SHROOM3: variants seen among roughly 807,000 people sequenced by gnomAD.
SHROOM3 encodes shroom family member 3.
A neutral mutation model predicts 138.6 loss-of-function variants in SHROOM3; 47 were observed. The observed-to-expected ratio is 0.34, with a 90% confidence interval of 0.27 to 0.43. The LOEUF is 0.43. Ranked by LOEUF, SHROOM3 falls within the 20% of genes least tolerant of loss-of-function variation. SHROOM3 has a pLI of 1.00. For synonymous variants in SHROOM3, 1,062 were observed against 1,063.3 expected (o/e 1.00, Z 0.02); for missense variants, 2,491 against 2,596.5 (o/e 0.96, Z 0.88).
intron 3 of SHROOM3, among the ~76,000 whole-genome samples, chr4:76,727,740 T>C (rs1018508076): frequency 4.6e-5 from 7 of 151,650 alleles, no homozygotes; most frequent in Non-Finnish European, 7.4e-5. Context: ...ATACAAAAAA[T>C]TAGCCAGGCA....
chr4:76,666,483 G>T (rs1718697871), intron 2 of SHROOM3, among the ~76,000 whole-genome samples: 1 of 152,060 alleles, frequency 6.6e-6, no homozygotes, highest in Admixed American at 6.6e-5. Flanking sequence ...TGTTGCCTTA[G>T]CTAATCTAAT....
intron 1 of SHROOM3, among the ~76,000 whole-genome samples, chr4:76,473,987 T>C (rs1400287868): frequency 6.6e-6 from 1 of 151,620 alleles, no homozygotes; most frequent in African/African-American, 2.4e-5. Flanking sequence ...AAAACATAAG[T>C]CCACACAAAA....
intron 2 of SHROOM3, among the ~76,000 whole-genome samples, chr4:76,683,707 G>T (rs1020065354): frequency 6.6e-6 from 1 of 152,056 alleles, no homozygotes; most frequent in African/African-American, 2.4e-5. Context: ...AATAGAAAAG[G>T]GTAGGCAGAA....
chr4:76,567,466 C>T (rs972870000), intron 2 of SHROOM3, among the ~76,000 whole-genome samples: 4 of 152,016 alleles, frequency 2.6e-5, no homozygotes, highest in South Asian at 2.1e-4. Flanking sequence ...CTGGCTAACA[C>T]GATAAAACCC....
Position 76,740,876 on chromosome 4 carries a change from G to A in SHROOM3, c.2703G>A (p.Glu901=), listed in dbSNP as rs757066518. The change falls in exon 5 of 11, where the codon GAG becomes GAA. Residue 901 remains glutamate, a synonymous_variant. Coordinates refer to ENST00000296043, the MANE Select transcript of SHROOM3 (RefSeq NM_020859.4). The surrounding 1 kb of genome is among the most constrained non-coding windows in gnomAD (Gnocchi z 4.0). ...TFQLSSEPER[E]PEWRDRPGSP... ...AGCTCTCCAGCGAGCCAGAGAGGGA[G>A]CCCGAGTGGCGGGACAGGCCCGGCT... 6 of 1,547,570 alleles carry A rather than the reference G, an allele frequency of 3.9e-6. No homozygotes were observed. In the African/African-American group the frequency reaches 6.9e-5, roughly 18 times the overall value.
intron 3 of SHROOM3, among the ~76,000 whole-genome samples, chr4:76,728,396 GCTCT>G (rs1201256704): frequency 3.3e-5 from 5 of 151,988 alleles, no homozygotes; most frequent in South Asian, 2.1e-4. Flanking sequence ...CCCTGCAAAT[GCTCT>G]CTCTCTCTTT....
chr4:76,685,275 C>T (rs1719304136), intron 2 of SHROOM3, among the ~76,000 whole-genome samples: 1 of 151,902 alleles, frequency 6.6e-6, no homozygotes, highest in Non-Finnish European at 1.5e-5. Flanking sequence ...CAGGGGTGTC[C>T]AATCTTTTGG....
At chr4:76,585,431 C>A (rs537045058) in intron 2 of SHROOM3, among the ~76,000 whole-genome samples, 1 of 152,254 alleles carries the variant, frequency 6.6e-6, no homozygotes, top group East Asian at 1.9e-4. Context: ...TTCTCTCTCT[C>A]TTTGTGTCTA....
chr4:76,633,708 T>C (rs1735409838), intron 2 of SHROOM3, among the ~76,000 whole-genome samples: 1 of 151,258 alleles, frequency 6.6e-6, no homozygotes, highest in South Asian at 2.1e-4. Flanking sequence ...CACCTTGTAC[T>C]TGAGTTGGGT....
intron 5 of SHROOM3, among the ~76,000 whole-genome samples, chr4:76,745,705 G>C (rs1020458663): frequency 1.3e-5 from 2 of 152,224 alleles, no homozygotes; most frequent in African/African-American, 4.8e-5. Context: ...TCTTGGCTGG[G>C]TGCAGTGGTG....
At chr4:76,499,836 T>C (rs568170739) in intron 1 of SHROOM3, among the ~76,000 whole-genome samples, 1 of 152,302 alleles carries the variant, frequency 6.6e-6, no homozygotes, top group South Asian at 2.1e-4. Context: ...TAATTACAAA[T>C]ACAAAGTATA....
chr4:76,778,719 C>T (rs1282289704), intron 10 of SHROOM3, 90 bp from the exon 11 acceptor site: 1 of 1,564,832 alleles, frequency 6.4e-7, no homozygotes, highest in Non-Finnish European at 8.8e-7. Flanking sequence ...TTAGATATTT[C>T]CCAGTCCTGT....
chr4:76,465,551 C>G (rs1002033908), intron 1 of SHROOM3, among the ~76,000 whole-genome samples: 2 of 152,216 alleles, frequency 1.3e-5, no homozygotes, highest in African/African-American at 4.8e-5. Context: ...AGTCCTCCTG[C>G]CTTCCCTCCT....
intron 1 of SHROOM3, among the ~76,000 whole-genome samples, chr4:76,550,008 T>C (rs1321483275): frequency 6.6e-6 from 1 of 152,178 alleles, no homozygotes; most frequent in Non-Finnish European, 1.5e-5. Flanking sequence ...TGCTGGAAAT[T>C]GGCTGACCTC....
chr4:76,737,263 C>CTT (rs973842428), intron 4 of SHROOM3, among the ~76,000 whole-genome samples: 1 of 130,898 alleles, frequency 7.6e-6, no homozygotes, highest in Non-Finnish European at 1.7e-5. Flanking sequence ...CTTGACAGCT[C>CTT]TTTTTTTTTT....
At chr4:76,689,498 G>A in intron 2 of SHROOM3, 1 of 981,384 alleles carries the variant, frequency 1.0e-6, no homozygotes, top group Non-Finnish European at 1.2e-6. Flanking sequence ...CTCCAGCCGC[G>A]CTGCCCCGGC....
intron 2 of SHROOM3, among the ~76,000 whole-genome samples, chr4:76,638,293 A>G (rs1016690545): frequency 6.6e-6 from 1 of 152,198 alleles, no homozygotes; most frequent in Admixed American, 6.5e-5. Flanking sequence ...AATCAAAAAT[A>G]TGTTTATATA....
chr4:76,594,005 G>A (rs1734331106), intron 2 of SHROOM3, among the ~76,000 whole-genome samples: 1 of 152,190 alleles, frequency 6.6e-6, no homozygotes, highest in African/African-American at 2.4e-5. Context: ...AAACATTTCT[G>A]CAGTACTTAT....
chr4:76,608,663 TAGCACAGCATAGCACAGCAC>T (rs1162340666), intron 2 of SHROOM3, among the ~76,000 whole-genome samples: 6 of 31,384 alleles, frequency 1.9e-4, no homozygotes, highest in Non-Finnish European at 4.7e-4. Flanking sequence ...TAGCATAGCA[TAGCACAGCATAGCACAGCAC>T]AGCACAGCAC....
Sources: allele counts gnomAD v4.1 joint callset (sites outside exome capture counted in the v4.1 genomes callset), GRCh38; gene constraint gnomAD v4.1.1; non-coding constraint Gnocchi (gnomAD v3.1); transcripts MANE v1.5; gene names NCBI Gene and HGNC (gene_info 2026-07-23, HGNC 2026-07-21).